The following NPIPB9 variants were observed in gnomAD, a reference collection of about 807,000 sequenced individuals.
NPIPB9 encodes nuclear pore complex-interacting protein family member B9.
Under a neutral mutation model 5.6 loss-of-function variants are expected in NPIPB9, and 1 was observed. The observed-to-expected ratio is 0.18, with a 90% CI of 0.06 to 0.84. NPIPB9 has a LOEUF of 0.84. Ranked by LOEUF, NPIPB9 falls within the 40% of genes least tolerant of loss-of-function variation. NPIPB9 has a pLI of 0.70. For synonymous variants in NPIPB9, 2 were observed against 12.5 expected, an observed-to-expected ratio of 0.16 and a Z score of 1.77; for missense variants, 3 against 39.1, an observed-to-expected ratio of 0.08 and a Z score of 2.46.
At chr16:28,765,518 T>A (rs1424687064) in intron 3 of NPIPB9, among the ~76,000 whole-genome samples, 1 of 32,076 alleles carries the variant, frequency 3.1e-5, no homozygotes, top group African/African-American at 1.2e-4. Flanking sequence ...TTCAAGTGAT[T>A]CTCCTGCCTC....
intron 1 of NPIPB9, among the ~76,000 whole-genome samples, chr16:28,754,845 G>A (rs1442482610): frequency 1.4e-5 from 2 of 140,828 alleles, no homozygotes; most frequent in Admixed American, 7.2e-5. Context: ...CCAACATGAT[G>A]AAACAGAGTA....
At position 28,756,425 on chromosome 16, in the gene NPIPB9, G is replaced by A. The variant is rs1427254818; in HGVS notation, c.26-1573G>A. Among the ~76,000 whole-genome samples the A allele has an allele frequency of 1.8e-5, 2 of 111,712 alleles. 1 individual carries two copies. The highest frequency in any genetic ancestry group is 4.2e-5 in the Non-Finnish European group (2 of 47,918). The allele number at this position is 111,712 out of a possible 152,430, so 73.3% of individuals were successfully genotyped here. A position where few individuals can be genotyped will look rare whatever the true frequency, so the allele number is the denominator to read the frequency against. ...TCACCATGTTGGTCAGGCTGGTCTC[G>A]AACTTCTAACCTCGTGATCCGCCTG... On this transcript the variant is annotated intron_variant, in intron 1 of 7. Coordinates refer to ENST00000550983, the Ensembl canonical transcript of NPIPB9.
At position 28,753,531 on chromosome 16, in the gene NPIPB9, TACACACACACAC is replaced by T. The variant is rs1158927991; in HGVS notation, c.25+969_25+980del. The stretch of plus-strand genomic sequence containing the variant: ...ATACACACACACACACACACATACA[TACACACACACAC>T]ACACACACACACACACACACACACA... On this transcript the variant is annotated intron_variant, in intron 1 of 7. Coordinates refer to ENST00000550983, the Ensembl canonical transcript of NPIPB9. Among the ~76,000 whole-genome samples, 32 of 42,032 alleles carry T rather than the reference TACACACACACAC, an allele frequency of 7.6e-4. No homozygotes were observed. The South Asian group carries it at 0.019, about 25-fold the overall frequency. The allele number at this position is 42,032 out of a possible 152,430, so 27.6% of individuals were successfully genotyped here. A position where few individuals can be genotyped will look rare whatever the true frequency, so the allele number is the denominator to read the frequency against.
At chr16:28,769,773 A>T (rs2049344644) in intron 5 of NPIPB9, among the ~76,000 whole-genome samples, 1 of 148,286 alleles carries the variant, frequency 6.7e-6, no homozygotes, top group Non-Finnish European at 1.5e-5. Context: ...TGAAGTAGCA[A>T]AACGGCTCCT....
At chr16:28,753,191 A>AT (rs1280880450) in intron 1 of NPIPB9, among the ~76,000 whole-genome samples, 2 of 75,140 alleles carry the variant, frequency 2.7e-5, no homozygotes, top group Non-Finnish European at 5.9e-5. Flanking sequence ...AAAAAAAAAA[A>AT]ATTATCCTGC....
intron 1 of NPIPB9, among the ~76,000 whole-genome samples, chr16:28,756,194 C>CTT (rs753440338): frequency 1.0e-4 from 9 of 87,928 alleles, no homozygotes; most frequent in Admixed American, 1.3e-4. Flanking sequence ...AAATCTAGGG[C>CTT]TTTTTTTTTT....
At chr16:28,769,784 G>A (rs2049345942) in intron 5 of NPIPB9, among the ~76,000 whole-genome samples, 2 of 147,964 alleles carry the variant, frequency 1.4e-5, no homozygotes, top group African/African-American at 5.1e-5. Context: ...AACGGCTCCT[G>A]ACCCCATTGC....
At chr16:28,753,650 T>C (rs1243409163) in intron 1 of NPIPB9, among the ~76,000 whole-genome samples, 462 of 45,990 alleles carry the variant, frequency 0.01, 10 homozygotes, top group South Asian at 0.076. Context: ...CTGCAACCTC[T>C]GTCTCCCGGG....
chr16:28,770,023 A>G (rs368605573), intron 5 of NPIPB9, among the ~76,000 whole-genome samples: 7 of 131,036 alleles, frequency 5.3e-5, no homozygotes, highest in African/African-American at 1.6e-4. Context: ...AATTAGGGAT[A>G]TACTGAGAAT....
chr16:28,769,734 C>A lies in NPIPB9; in HGVS notation c.591-854C>A, dbSNP rs1490797194. Among the ~76,000 whole-genome samples, 3 of 148,424 alleles carry A rather than the reference C, an allele frequency of 2.0e-5. 1 individual carries two copies. Among genetic ancestry groups the A allele is most frequent in the Admixed American group, 1.4e-4 (2 of 14,784 alleles). Reference sequence around the variant, plus strand: ...AGTTCACAAAACAGAAAACAAAGTACCTTAATATTTACCAGTGACCAAAAG... The same window carrying A: ...AGTTCACAAAACAGAAAACAAAGTAACTTAATATTTACCAGTGACCAAAAG... On this transcript the variant is annotated intron_variant, in intron 5 of 7. Transcript: ENST00000550983.
intron 3 of NPIPB9, among the ~76,000 whole-genome samples, chr16:28,765,757 G>A (rs2151822696): frequency 9.9e-6 from 1 of 101,104 alleles, no homozygotes; most frequent in South Asian, 4.0e-4. Flanking sequence ...GTGTGTGTGT[G>A]TGTGTGTGTG....
Position 28,756,256 on chromosome 16 carries a change from G to A in NPIPB9, c.26-1742G>A, listed in dbSNP as rs1486821892. On this transcript the variant is annotated intron_variant, in intron 1 of 7. Coordinates refer to ENST00000550983, the Ensembl canonical transcript of NPIPB9. ...ATTCCATTCTGTCACCCAGGCTGGAGTGCAATGGTACGATCTCGGCTCACT... is the reference window on the plus strand; with the variant it reads ...ATTCCATTCTGTCACCCAGGCTGGAATGCAATGGTACGATCTCGGCTCACT... Among the ~76,000 whole-genome samples the A allele has an allele frequency of 3.0e-5, 4 of 132,100 alleles. No homozygotes were observed. In the Admixed American group the frequency reaches 3.2e-4, roughly 11 times the overall value. The allele number at this position is 132,100 out of a possible 152,430, so 86.7% of individuals were successfully genotyped here. A position where few individuals can be genotyped will look rare whatever the true frequency, so the allele number is the denominator to read the frequency against.
chr16:28,770,001 C>T (rs1417758624), intron 5 of NPIPB9, among the ~76,000 whole-genome samples: 1 of 130,370 alleles, frequency 7.7e-6, no homozygotes, highest in African/African-American at 2.7e-5. Flanking sequence ...AAAAGATGCT[C>T]AATGAAGGAT....
chr16:28,767,311 T>G lies in NPIPB9; in HGVS notation c.590+822T>G, dbSNP rs1295480173. Among the ~76,000 whole-genome samples, 88 of 104,114 alleles carry G rather than the reference T, an allele frequency of 8.5e-4. 19 individuals carry two copies. Among genetic ancestry groups the G allele is most frequent in the African/African-American group, 1.1e-3 (31 of 28,996 alleles). The allele number at this position is 104,114 out of a possible 152,430, so 68.3% of individuals were successfully genotyped here. On this transcript the variant is annotated intron_variant, in intron 5 of 7. Coordinates refer to ENST00000550983, the Ensembl canonical transcript of NPIPB9. The stretch of plus-strand genomic sequence containing the variant: ...CCCAGGTTCAAGTGATTCTTATCCC[T>G]CAGCCTCTTGAGTAGCTGGGACTAC...
intron 3 of NPIPB9, among the ~76,000 whole-genome samples, chr16:28,765,721 TTGTGTGTGTGTGTG>T (rs761146509): frequency 7.9e-5 from 3 of 38,044 alleles, no homozygotes; most frequent in Admixed American, 6.0e-4. Context: ...CATGTCATTC[TTGTGTGTGTGTGTG>T]TGTGTGTGTG....
chr16:28,753,549 C>T (rs2048707853), intron 1 of NPIPB9, among the ~76,000 whole-genome samples: 1 of 73,468 alleles, frequency 1.4e-5, no homozygotes, highest in African/African-American at 4.8e-5. Flanking sequence ...CACACACACA[C>T]ACACACACAC....
chr16:28,765,403 A>ATTTT (rs1206825669), intron 3 of NPIPB9, among the ~76,000 whole-genome samples: 23 of 34,222 alleles, frequency 6.7e-4, no homozygotes, highest in African/African-American at 3.0e-3. Context: ...CACCTGGGCT[A>ATTTT]TTTTTTTTTT....
In NPIPB9 at chr16:28,767,273, G is replaced by A. The variant is rs1417088857; in HGVS notation, c.590+784G>A. Among the ~76,000 whole-genome samples the A allele has an allele frequency of 3.8e-5, 4 of 104,600 alleles. 1 individual carries two copies. Among genetic ancestry groups the A allele is most frequent in the Non-Finnish European group, 8.4e-5 (4 of 47,452 alleles). The allele number at this position is 104,600 out of a possible 152,430, so 68.6% of individuals were successfully genotyped here. On this transcript the variant is annotated intron_variant, in intron 5 of 7. Coordinates refer to ENST00000550983, the Ensembl canonical transcript of NPIPB9. ...TGCAGTGGCATGATCTTGGCTCACTGCAACCTCTGCTTCCCAGGTTCAAGT... is the reference window on the plus strand; with the variant it reads ...TGCAGTGGCATGATCTTGGCTCACTACAACCTCTGCTTCCCAGGTTCAAGT...
intron 2 of NPIPB9, among the ~76,000 whole-genome samples, chr16:28,759,545 A>AT (rs1159530771): frequency 1.3e-4 from 3 of 22,452 alleles, no homozygotes; most frequent in African/African-American, 1.0e-3. Context: ...TTATTTATTT[A>AT]TTTGAGACAG....
Sources: allele counts gnomAD v4.1 joint callset (sites outside exome capture counted in the v4.1 genomes callset), GRCh38; gene constraint gnomAD v4.1.1; transcripts MANE v1.5; gene names NCBI Gene and HGNC (gene_info 2026-07-23, HGNC 2026-07-21).